The following PLXNA4 variants were observed in gnomAD, a reference collection of about 807,000 sequenced individuals.
The protein encoded by PLXNA4 is plexin-A4.
Under a neutral mutation model 191.8 loss-of-function variants are expected in PLXNA4, and 44 were observed. That is an observed-to-expected ratio of 0.23 (90% CI 0.18 to 0.29). PLXNA4 has a LOEUF of 0.29. Among genes scored for constraint, PLXNA4 ranks in the 10% least tolerant of loss-of-function variants. PLXNA4 has a pLI of 1.00. For synonymous variants in PLXNA4, 1,082 were observed against 1,009.5 expected (o/e 1.07, Z -1.36); for missense variants, 1,800 against 2,488.8 (o/e 0.72, Z 5.89).
chr7:132,195,430 G>A (rs1032732476), intron 13 of PLXNA4, among the ~76,000 whole-genome samples: 1 of 152,186 alleles, frequency 6.6e-6, no homozygotes, highest in African/African-American at 2.4e-5. Flanking sequence ...TGAACCAACT[G>A]ACACACACAT....
chr7:132,459,430 C>T (rs978905238), intron 3 of PLXNA4, among the ~76,000 whole-genome samples: 3 of 152,090 alleles, frequency 2.0e-5, no homozygotes, highest in African/African-American at 7.2e-5. Context: ...AGTGGATTGG[C>T]AGTAGGAGAG....
At chr7:132,524,380 A>C (rs997930547) in intron 1 of PLXNA4, among the ~76,000 whole-genome samples, 72 of 152,214 alleles carry the variant, frequency 4.7e-4, no homozygotes, top group Non-Finnish European at 1.8e-4. Flanking sequence ...ATTCCCAACC[A>C]AAGTTAATAA....
At chr7:132,422,049 T>C (rs895539016) in intron 3 of PLXNA4, among the ~76,000 whole-genome samples, 27 of 152,222 alleles carry the variant, frequency 1.8e-4, no homozygotes, top group African/African-American at 5.3e-4. Flanking sequence ...CGTTGTCAAA[T>C]AGACACCTGT....
intron 3 of PLXNA4, among the ~76,000 whole-genome samples, chr7:132,465,450 C>T (rs1049018154): frequency 1.3e-5 from 2 of 152,192 alleles, no homozygotes; most frequent in African/African-American, 4.8e-5. Context: ...GTTCCTGGGG[C>T]TTATAAGAAT....
chr7:132,412,039 C>A (rs1349408327), intron 3 of PLXNA4, among the ~76,000 whole-genome samples: 1 of 152,106 alleles, frequency 6.6e-6, no homozygotes, highest in Non-Finnish European at 1.5e-5. Context: ...TTGTTCTCCA[C>A]TTCACAACCC....
intron 3 of PLXNA4, among the ~76,000 whole-genome samples, chr7:132,364,313 C>T (rs889654541): frequency 2.0e-4 from 30 of 152,308 alleles, no homozygotes; most frequent in African/African-American, 6.0e-4. Context: ...TCAAATAATG[C>T]GCTAACAAGA....
At chr7:132,568,400 T>C (rs1335016205) in intron 1 of PLXNA4, among the ~76,000 whole-genome samples, 1 of 152,170 alleles carries the variant, frequency 6.6e-6, no homozygotes, top group African/African-American at 2.4e-5. Context: ...AATAGTGTAG[T>C]CGACTAGTGT....
intron 3 of PLXNA4, among the ~76,000 whole-genome samples, chr7:132,357,478 GTAAA>G (rs1803757121): frequency 6.6e-6 from 1 of 152,170 alleles, no homozygotes; most frequent in African/African-American, 2.4e-5. Context: ...TTTGTTCATT[GTAAA>G]TAGAGTAGTG....
At chr7:132,161,686 G>T (rs1795954176) in intron 24 of PLXNA4, among the ~76,000 whole-genome samples, 1 of 151,950 alleles carries the variant, frequency 6.6e-6, no homozygotes, top group Non-Finnish European at 1.5e-5. Context: ...TCCCGGGCGG[G>T]CACCTAGCAC....
chr7:132,173,355 C>T (rs948472065), intron 21 of PLXNA4, among the ~76,000 whole-genome samples: 8 of 152,050 alleles, frequency 5.3e-5, no homozygotes, highest in South Asian at 2.1e-4. Context: ...TATTTATGCA[C>T]GGGCTACATC....
chr7:132,303,336 C>T (rs1199950947), intron 3 of PLXNA4, among the ~76,000 whole-genome samples: 2 of 149,650 alleles, frequency 1.3e-5, no homozygotes, highest in Non-Finnish European at 3.0e-5. Flanking sequence ...TTTGGGAAGC[C>T]GAGGTGGGCG....
chr7:132,564,805 G>A (rs1801641691), intron 1 of PLXNA4, among the ~76,000 whole-genome samples: 1 of 152,070 alleles, frequency 6.6e-6, no homozygotes, highest in South Asian at 2.1e-4. Flanking sequence ...TTCTTTTTCT[G>A]CAGTCCCCAA....
intron 3 of PLXNA4, among the ~76,000 whole-genome samples, chr7:132,331,494 GC>G (rs1802588844): frequency 6.6e-6 from 1 of 152,204 alleles, no homozygotes; most frequent in South Asian, 2.1e-4. Flanking sequence ...TCTGAGTCTT[GC>G]CCATGTCACT....
chr7:132,228,958 C>T (rs968763935), intron 5 of PLXNA4, among the ~76,000 whole-genome samples: 3 of 152,196 alleles, frequency 2.0e-5, no homozygotes, highest in Non-Finnish European at 2.9e-5. Flanking sequence ...CCTGCAATCT[C>T]TCCTGCCCAC....
intron 4 of PLXNA4, among the ~76,000 whole-genome samples, chr7:132,274,637 G>A (rs1201887350): frequency 6.6e-6 from 1 of 152,002 alleles, no homozygotes; most frequent in African/African-American, 2.4e-5. Context: ...CTTTTGATGA[G>A]TACTAGTTGG....
chr7:132,613,792 A>AAT (rs1207753484), intron 2 of PLXNA4, among the ~76,000 whole-genome samples: 1 of 152,274 alleles, frequency 6.6e-6, no homozygotes, highest in Non-Finnish European at 1.5e-5. Flanking sequence ...CAGAAGATAA[A>AAT]ATATATTTTA....
At chr7:132,639,948 G>A (rs1317709567) in intron 2 of PLXNA4, among the ~76,000 whole-genome samples, 1 of 152,208 alleles carries the variant, frequency 6.6e-6, no homozygotes, top group Admixed American at 6.5e-5. Flanking sequence ...CACTGTCCAG[G>A]TTCCTCATCT....
At chr7:132,173,449 C>T (rs537754178) in intron 21 of PLXNA4, among the ~76,000 whole-genome samples, 18 of 152,290 alleles carry the variant, frequency 1.2e-4, no homozygotes, top group African/African-American at 3.4e-4. Flanking sequence ...ACATAGAGAC[C>T]GTCACCTCCA....
At chr7:132,175,043 C>T (rs1170144116) in intron 20 of PLXNA4, 123 bp from the exon 21 acceptor site, 31 of 1,430,260 alleles carry the variant, frequency 2.2e-5, no homozygotes, top group South Asian at 5.8e-5. Context: ...CCACGATGGG[C>T]GGGAATAACT....
Sources: gnomAD v4.1 joint callset for allele counts (sites outside exome capture counted in the v4.1 genomes callset) on GRCh38, gnomAD v4.1.1 for gene constraint, MANE v1.5 for transcripts, NCBI Gene and HGNC (gene_info 2026-07-23, HGNC 2026-07-21) for gene names.